SLC16A4: variants seen among roughly 807,000 people sequenced by gnomAD.
The protein encoded by SLC16A4 is probable monocarboxylate transporter 5.
In SLC16A4, 39 loss-of-function variants were observed where a neutral mutation model predicts 47.9. That is an observed-to-expected ratio of 0.81 (90% confidence interval 0.63 to 1.06). The LOEUF is 1.06. SLC16A4 is among the 50% of genes least tolerant of loss of function. SLC16A4 has a pLI of 0.00. For synonymous variants in SLC16A4, 189 were observed against 199.9 expected (o/e 0.95, Z 0.46); for missense variants, 524 against 573.8 (o/e 0.91, Z 0.89).
rs760753970 is a variant in SLC16A4 at position 110,379,200 on chromosome 1, T to C, written c.683A>G (p.His228Arg). ...HGPEAHATET[H>R]CHETEESTIK... ...GGTAGACTCTTCTGTCTCATGGCAG[T>C]GTGTTTCTGTTGCATGTGCCTCTGG... is the stretch of plus-strand genomic sequence containing the variant. Residue 228 changes from histidine to arginine, a missense_variant, in exon 6 of 9, where the codon CAC becomes CGC. Physicochemically the swap from His to Arg is conservative, Grantham distance 29 (BLOSUM62 0). Coordinates refer to ENST00000369779, the MANE Select transcript of SLC16A4 (RefSeq NM_004696.3). 5 of 1,614,204 alleles carry C rather than the reference T, an allele frequency of 3.1e-6. No individual in the cohort carries two copies. In the South Asian group the frequency reaches 5.5e-5, roughly 18 times the overall value.
intron 8 of SLC16A4, among the ~76,000 whole-genome samples, chr1:110,366,149 CACT>C (rs1661376373): frequency 1.9e-5 from 1 of 53,436 alleles, no homozygotes; most frequent in Admixed American, 1.8e-4. Flanking sequence ...CTCTCTCTCT[CACT>C]CACTCACTTT....
chr1:110,365,298 C>G (rs1661321373), intron 8 of SLC16A4, among the ~76,000 whole-genome samples: 1 of 151,852 alleles, frequency 6.6e-6, no homozygotes, highest in Admixed American at 6.5e-5. Context: ...ATACCCTCCC[C>G]CACCTTTTTC....
intron 8 of SLC16A4, chr1:110,372,677 G>C (rs1369317838): frequency 3.3e-5 from 5 of 152,196 alleles, no homozygotes; most frequent in African/African-American, 1.2e-4. Flanking sequence ...TTAGAATCTT[G>C]TTTAAGATAC....
chr1:110,380,248 G>A (rs1662298450), intron 5 of SLC16A4, among the ~76,000 whole-genome samples: 1 of 152,106 alleles, frequency 6.6e-6, no homozygotes, highest in Non-Finnish European at 1.5e-5. Context: ...ATGGGCTATA[G>A]GTTCTGCTAT....
rs539966836 is a variant in SLC16A4, at chr1:110,366,563, CTTTG to C, written c.1337-2674_1337-2671del. On this transcript the variant is annotated intron_variant, in intron 8 of 8. Transcript: ENST00000369779. ...GTATCTATGTTTAGATACATGAATA[CTTTG>C]TTTGGATACACGAGTATCTTTCTAT... Among the ~76,000 whole-genome samples, 205 of 152,230 alleles carry C rather than the reference CTTTG, an allele frequency of 1.3e-3. 1 individual carries two copies. Among genetic ancestry groups the C allele is most frequent in the African/African-American group, 4.1e-3 (171 of 41,542 alleles).
Position 110,391,002 on chromosome 1 carries a change from T to C in SLC16A4, c.-170A>G, listed in dbSNP as rs956136287. The stretch of plus-strand genomic sequence containing the variant: ...CTGCATTGTGAAAACAAGTGAGCAT[T>C]GTAAGAGCCAAGGAGGGCTCAGACG... On this transcript the variant is annotated 5_prime_UTR_variant, in exon 1 of 9. Coordinates refer to ENST00000369779, the MANE Select transcript of SLC16A4 (RefSeq NM_004696.3). 9.2e-5 allele frequency: 14 copies of C among 152,224 alleles called. No homozygotes were observed. The highest frequency in any genetic ancestry group is 4.4e-5 in the Non-Finnish European group (3 of 68,038). 9.4% of individuals were successfully genotyped at this position (152,224 alleles called of 1,614,324 possible). A position where few individuals can be genotyped will look rare whatever the true frequency, so the allele number is the denominator to read the frequency against.
In SLC16A4 at chr1:110,378,849, T is replaced by C; in HGVS notation, c.1030+4A>G. 1 of 1,598,778 alleles carries C rather than the reference T, an allele frequency of 6.3e-7. No homozygotes were observed. The highest frequency in any genetic ancestry group is 8.5e-7 in the Non-Finnish European group (1 of 1,172,038). ...GGGTAGGAGGCTGATGTAGGCTTTC[T>C]TACCTGCTACAGAAACAAGGTAAGA... On this transcript the variant is annotated splice_donor_region_variant and intron_variant, in intron 6 of 8. Coordinates refer to ENST00000369779, the MANE Select transcript of SLC16A4 (RefSeq NM_004696.3).
intron 8 of SLC16A4, chr1:110,375,112 G>A (rs12064369): frequency 7.8e-5 from 14 of 179,820 alleles, no homozygotes; most frequent in Non-Finnish European, 1.5e-4. Context: ...AATTACAGGC[G>A]TGAGCAATTG....
At chr1:110,375,317 T>A in intron 8 of SLC16A4, 141 bp downstream of exon 8, 2 of 625,834 alleles carry the variant, frequency 3.2e-6, no homozygotes, top group East Asian at 5.5e-5. Flanking sequence ...GCATTGGTGG[T>A]GGAGTGAGTA....
chr1:110,379,435 G>T, intron 5 of SLC16A4, 79 bp from the exon 6 acceptor site: 2 of 1,326,206 alleles, frequency 1.5e-6, no homozygotes, highest in Non-Finnish European at 2.1e-6. Context: ...CTCAGAAGAG[G>T]CCCCACTGGC....
intron 2 of SLC16A4, among the ~76,000 whole-genome samples, chr1:110,384,753 A>G (rs1557914283): frequency 6.6e-6 from 1 of 152,174 alleles, no homozygotes; most frequent in African/African-American, 2.4e-5. Context: ...GCTCCTGCCT[A>G]TAATCCTAGT....
In SLC16A4 at chr1:110,381,018, AG is replaced by A. The variant is rs1422911003; in HGVS notation, c.489del (p.Phe164LeufsTer5). The part of the protein sequence containing the change: ...SGMGLTFLLA[P>X]FTKFLIDLYD... ...TACAGATCTATCAGGAATTTTGTAAAGGGTGCCAAAAGAAAAGTCAGTCCCA... is the reference window on the plus strand; with the variant it reads ...TACAGATCTATCAGGAATTTTGTAAAGGTGCCAAAAGAAAAGTCAGTCCCA... On this transcript the variant is annotated frameshift_variant, in exon 5 of 9. Coordinates refer to ENST00000369779, the MANE Select transcript of SLC16A4 (RefSeq NM_004696.3). LOFTEE classifies it high-confidence loss of function. 2 of 1,614,044 alleles carry A rather than the reference AG, an allele frequency of 1.2e-6. No homozygotes were observed. The highest frequency in any genetic ancestry group is 3.3e-5 in the Admixed American group (2 of 60,002).
Position 110,381,791 on chromosome 1 carries a change from G to A in SLC16A4, c.225C>T (p.Pro75=). Residue 75 remains proline (P), a synonymous_variant, in exon 4 of 9, where the codon CCC becomes CCT. Transcript: ENST00000369779. Reference sequence around the variant, plus strand: ...GTATGTCACAAATAATAGCAACCAGGGGACCTTAAGAGAAGAAAGAAAGGC... The same window carrying A: ...GTATGTCACAAATAATAGCAACCAGAGGACCTTAAGAGAAGAAAGAAAGGC... The part of the protein sequence containing the change: ...IMSSLRFCAG[P]LVAIICDILG... 2 of 1,610,974 alleles carry A rather than the reference G, an allele frequency of 1.2e-6. No homozygotes were observed. Among genetic ancestry groups the A allele is most frequent in the Non-Finnish European group, 1.7e-6 (2 of 1,179,126 alleles).
rs145736696 is a variant in SLC16A4 at position 110,381,652 on chromosome 1, C to A, written c.364G>T (p.Gly122Cys). 1 of 1,609,864 alleles carries A rather than the reference C, an allele frequency of 6.2e-7. No individual in the cohort carries two copies. The highest frequency in any genetic ancestry group is 1.1e-5 in the South Asian group (1 of 90,224). ...FLCVTMGLLPGLGSAFLYQVA... is the reference protein window; with the variant it reads ...FLCVTMGLLPCLGSAFLYQVA... ...GGTCACATAATTACAATGGACTCAC[C>A]GGGTAGAAGTCCCATAGTCACACAA... The change falls in exon 4 of 9, where the codon GGT becomes TGT. Residue 122 changes from glycine (G) to cysteine (C), a missense_variant and splice_region_variant. By Grantham distance (159) the Gly-to-Cys change is radical. Coordinates refer to ENST00000369779, the MANE Select transcript of SLC16A4 (RefSeq NM_004696.3).
chr1:110,381,247 A>T (rs1662365043), intron 4 of SLC16A4, 104 bp from the exon 5 acceptor site: 1 of 1,005,094 alleles, frequency 9.9e-7, no homozygotes, highest in Non-Finnish European at 1.5e-6. Context: ...GGCCTTTTGG[A>T]CCCAGGAACA....
At chr1:110,389,423 T>C (rs1327327529) in intron 1 of SLC16A4, 68 bp from the exon 2 acceptor site, 1 of 968,916 alleles carries the variant, frequency 1.0e-6, no homozygotes, top group East Asian at 2.4e-5. Flanking sequence ...ACTTTTTATC[T>C]GAAAGGGAAC....
At chr1:110,390,305 G>T (rs1429164399) in intron 1 of SLC16A4, among the ~76,000 whole-genome samples, 2 of 152,150 alleles carry the variant, frequency 1.3e-5, no homozygotes, top group Admixed American at 1.3e-4. Context: ...ACTCTTAAGA[G>T]AAATAGAAAG....
intron 7 of SLC16A4, 70 bp from the exon 8 acceptor site, chr1:110,375,621 G>T: frequency 1.2e-6 from 1 of 834,886 alleles, no homozygotes; most frequent in South Asian, 1.4e-5. Context: ...GCCTAAAAGG[G>T]ACAAATACTA....
rs550854428 is a variant in SLC16A4, at chr1:110,381,853, C to G, written c.221-58G>C. On this transcript the variant is annotated intron_variant, in intron 3 of 8. Coordinates refer to ENST00000369779, the MANE Select transcript of SLC16A4 (RefSeq NM_004696.3). ...AAATAATGATCTGGCATCCCTTATC[C>G]TCTGATGGCGATTTAAATGAATGAC... 2.5e-5 allele frequency: 37 copies of G among 1,455,768 alleles called. No homozygotes were observed. The African/African-American group carries it at 5.0e-4, about 20-fold the overall frequency. 90.2% of individuals were successfully genotyped at this position (1,455,768 alleles called of 1,614,324 possible).
Sources: gnomAD v4.1 joint callset for allele counts (sites outside exome capture counted in the v4.1 genomes callset) on GRCh38, gnomAD v4.1.1 for gene constraint, MANE v1.5 for transcripts, NCBI Gene and HGNC (gene_info 2026-07-23, HGNC 2026-07-21) for gene names.